INPP4B: variants seen among roughly 807,000 people sequenced by gnomAD.
INPP4B encodes the protein inositol polyphosphate 4-phosphatase type II.
In INPP4B, 55 loss-of-function variants were observed where a neutral mutation model predicts 122.5. The ratio of observed to expected loss-of-function variants is 0.45; its 90% CI spans 0.36 to 0.56. INPP4B has a LOEUF of 0.56. Among genes scored for constraint, INPP4B ranks in the 20% least tolerant of loss-of-function variants. The pLI is 0.00. For synonymous variants in INPP4B, 403 were observed against 388.7 expected (o/e 1.04, Z -0.43); for missense variants, 1,000 against 1,097.7 (o/e 0.91, Z 1.26).
At chr4:142,257,931 C>G (rs1452076801) in intron 11 of INPP4B, among the ~76,000 whole-genome samples, 1 of 152,164 alleles carries the variant, frequency 6.6e-6, no homozygotes, top group Non-Finnish European at 1.5e-5. Flanking sequence ...CTGGAGACAT[C>G]GCACTACCTG....
At chr4:142,391,619 C>T (rs1658493210) in intron 7 of INPP4B, among the ~76,000 whole-genome samples, 1 of 151,948 alleles carries the variant, frequency 6.6e-6, no homozygotes, top group African/African-American at 2.4e-5. Context: ...CAAAAAAAAC[C>T]ATGTACTCCT....
intron 15 of INPP4B, among the ~76,000 whole-genome samples, chr4:142,184,809 G>C (rs993407522): frequency 6.6e-6 from 1 of 152,092 alleles, no homozygotes; most frequent in Admixed American, 6.6e-5. Flanking sequence ...CACTATGGAG[G>C]GTAGAGGGGA....
chr4:142,269,383 G>A (rs72722429), intron 10 of INPP4B, among the ~76,000 whole-genome samples: 635 of 152,144 alleles, frequency 4.2e-3, no homozygotes, highest in Non-Finnish European at 6.4e-3. Context: ...GAAAAGGCAG[G>A]GGTCACAGAT....
At chr4:142,781,104 T>C (rs17732408) in intron 1 of INPP4B, among the ~76,000 whole-genome samples, 35,372 of 152,114 alleles carry the variant, frequency 0.23, 4,384 homozygotes, top group South Asian at 0.35. Context: ...CTCAACAAGA[T>C]AGTGATGGGG....
intron 22 of INPP4B, among the ~76,000 whole-genome samples, chr4:142,110,704 G>A (rs924258296): frequency 9.9e-5 from 15 of 152,094 alleles, no homozygotes; most frequent in African/African-American, 2.7e-4. Context: ...GTCTTGTACA[G>A]CTTCCATGTG....
chr4:142,608,345 T>C (rs1741738698), intron 2 of INPP4B, among the ~76,000 whole-genome samples: 1 of 152,130 alleles, frequency 6.6e-6, no homozygotes, highest in South Asian at 2.1e-4. Context: ...GGCATTATAG[T>C]GAGTTGGAAG....
chr4:142,388,642 GGAAGGTATTAGA>G (rs372354586), intron 7 of INPP4B, among the ~76,000 whole-genome samples: 2 of 152,082 alleles, frequency 1.3e-5, no homozygotes, highest in African/African-American at 4.8e-5. Flanking sequence ...TTTTGACTTG[GGAAGGTATTAGA>G]GATTGCTTTG....
intron 25 of INPP4B, among the ~76,000 whole-genome samples, chr4:142,044,140 A>T (rs996080820): frequency 5.3e-5 from 8 of 152,222 alleles, no homozygotes; most frequent in Non-Finnish European, 8.8e-5. Context: ...TTATATTTAA[A>T]CATGCTAAGT....
chr4:142,628,557 TA>T (rs35955830), intron 2 of INPP4B, among the ~76,000 whole-genome samples: 57,911 of 100,082 alleles, frequency 0.58, 14,720 homozygotes, highest in East Asian at 0.73. Flanking sequence ...AAACTTAAAG[TA>T]AAAAAAAAAA....
intron 2 of INPP4B, among the ~76,000 whole-genome samples, chr4:142,550,726 AG>A: frequency 6.6e-6 from 1 of 151,882 alleles, no homozygotes; most frequent in East Asian, 1.9e-4. Context: ...GCAAAGTACT[AG>A]GGGACCAAGT....
At chr4:142,664,066 C>T (rs1400935906) in intron 2 of INPP4B, among the ~76,000 whole-genome samples, 2 of 152,174 alleles carry the variant, frequency 1.3e-5, no homozygotes, top group Admixed American at 6.5e-5. Context: ...ATGCACTTAA[C>T]TCTCTGGCCT....
rs118159398 is a variant in INPP4B at position 142,582,872 on chromosome 4, G to T, written c.-190-120146C>A. On this transcript the variant is annotated intron_variant, in intron 2 of 25. Coordinates refer to ENST00000262992, the MANE Select transcript of INPP4B (RefSeq NM_001101669.3). ...TTAATACAGTCCCTATGAGCATGTGGTAACACACTGAAAGTTTGGCATTTT... is the reference window on the plus strand; with the variant it reads ...TTAATACAGTCCCTATGAGCATGTGTTAACACACTGAAAGTTTGGCATTTT... Among the ~76,000 whole-genome samples, 91 of 152,250 alleles carry T rather than the reference G, an allele frequency of 6.0e-4. 1 individual carries two copies. In the East Asian group the frequency reaches 0.015, roughly 26 times the overall value.
intron 25 of INPP4B, among the ~76,000 whole-genome samples, chr4:142,031,222 G>T (rs1739816329): frequency 6.6e-6 from 1 of 152,128 alleles, no homozygotes. Context: ...ACATTCAGTG[G>T]TTAAGGGGGT....
At chr4:142,547,627 A>G (rs554964199) in intron 2 of INPP4B, among the ~76,000 whole-genome samples, 84 of 152,210 alleles carry the variant, frequency 5.5e-4, no homozygotes, top group Non-Finnish European at 8.4e-4. Context: ...ACTGAAGACC[A>G]TGAAGGTTAA....
chr4:142,426,553 T>A (rs1386816880), intron 5 of INPP4B: 2 of 151,948 alleles, frequency 1.3e-5, no homozygotes, highest in East Asian at 3.9e-4. Context: ...CAAGAGATAC[T>A]CAGTTTTTCA....
intron 2 of INPP4B, among the ~76,000 whole-genome samples, chr4:142,690,732 T>C (rs1219951894): frequency 6.6e-6 from 1 of 152,144 alleles, no homozygotes; most frequent in Non-Finnish European, 1.5e-5. Context: ...CATTAGACTT[T>C]TTAAATGACT....
intron 3 of INPP4B, among the ~76,000 whole-genome samples, chr4:142,435,922 CTGT>C (rs994284539): frequency 5.3e-5 from 8 of 152,188 alleles, no homozygotes; most frequent in Non-Finnish European, 8.8e-5. Flanking sequence ...ACCACTGCTG[CTGT>C]TGTTTGCTGT....
chr4:142,791,761 C>A (rs1776588938), intron 1 of INPP4B, among the ~76,000 whole-genome samples: 1 of 152,024 alleles, frequency 6.6e-6, no homozygotes, highest in African/African-American at 2.4e-5. Context: ...CTAGAGCCAC[C>A]ACCCTCCTGT....
intron 1 of INPP4B, among the ~76,000 whole-genome samples, chr4:142,756,939 C>G (rs1411524540): frequency 6.6e-6 from 1 of 152,070 alleles, no homozygotes; most frequent in Non-Finnish European, 1.5e-5. Flanking sequence ...AAAAAGGAGT[C>G]CTACTGGTTT....
Sources: allele counts gnomAD v4.1 joint callset (sites outside exome capture counted in the v4.1 genomes callset), GRCh38; gene constraint gnomAD v4.1.1; transcripts MANE v1.5; gene names NCBI Gene and HGNC (gene_info 2026-07-23, HGNC 2026-07-21).